The following PRMT7 variants were observed in gnomAD, a reference collection of about 807,000 sequenced individuals.
PRMT7 encodes protein arginine methyltransferase 7.
Under a neutral mutation model 85.4 loss-of-function variants are expected in PRMT7, and 75 were observed. The ratio of observed to expected loss-of-function variants is 0.88; its 90% CI spans 0.73 to 1.06. The LOEUF is 1.06. Ranked by LOEUF, PRMT7 falls within the 50% of genes least tolerant of loss-of-function variation. PRMT7 has a pLI of 0.00. For missense variants in PRMT7, 868 were observed against 915.2 expected (o/e 0.95, Z 0.67); for synonymous variants, 397 against 359.5 (o/e 1.10, Z -1.18).
In PRMT7 at chr16:68,358,546, GA is replaced by G. The variant is rs963985012; in HGVS notation, c.*1329del. ...TAATGTCCCATGAAGATACAATACA[GA>G]AAAAAATACAGAAATTAAAAAAGTT... is the stretch of plus-strand genomic sequence containing the variant. On this transcript the variant is annotated 3_prime_UTR_variant, in exon 19 of 19. Transcript: ENST00000441236. The G allele has an allele frequency of 6.6e-6, 1 of 152,420 alleles. No homozygotes were observed. The highest frequency in any genetic ancestry group is 6.5e-5 in the Admixed American group (1 of 15,268). The allele number at this position is 152,420 out of a possible 1,614,324, so 9.4% of individuals were successfully genotyped here.
chr16:68,315,893 A>G lies in PRMT7; in HGVS notation c.-83-4A>G. The G allele has an allele frequency of 1.8e-6, 2 of 1,085,752 alleles. No individual in the cohort carries two copies. The highest frequency in any genetic ancestry group is 1.3e-5 in the South Asian group (1 of 76,520). 67.3% of individuals were successfully genotyped at this position (1,085,752 alleles called of 1,614,324 possible). ...TACCTCCTGTTTCCTTCTGATGTTA[A>G]TAGATTTCTGACAGTCAGACTTGTC... On this transcript the variant is annotated splice_polypyrimidine_tract_variant and splice_region_variant and intron_variant, in intron 2 of 18. Coordinates refer to ENST00000441236, the MANE Select transcript of PRMT7 (RefSeq NM_019023.5).
chr16:68,326,994 A>G (rs1426575419), intron 5 of PRMT7, among the ~76,000 whole-genome samples: 1 of 152,220 alleles, frequency 6.6e-6, no homozygotes, highest in Non-Finnish European at 1.5e-5. Flanking sequence ...CCCTCAAACC[A>G]CATCTAAAAA....
intron 3 of PRMT7, among the ~76,000 whole-genome samples, chr16:68,317,968 T>C (rs2082070301): frequency 1.3e-5 from 2 of 152,166 alleles, no homozygotes; most frequent in African/African-American, 4.8e-5. Flanking sequence ...CGGGGTCATT[T>C]TGTAAAGGGT....
Position 68,357,206 on chromosome 16 carries a change from T to C in PRMT7, c.2061T>C (p.His687=), listed in dbSNP as rs1219631329. The C allele has an allele frequency of 1.2e-6, 2 of 1,613,220 alleles. No individual in the cohort carries two copies. Among genetic ancestry groups the C allele is most frequent in the East Asian group, 2.2e-5 (1 of 44,884 alleles). The stretch of plus-strand genomic sequence containing the variant: ...GCGACATCATCATGGAGTTCAGGCA[T>C]GCAGATACCCCAGACTGACCACTCT... ...DTGDIIMEFR[H]ADTPD Residue 687 remains histidine (H), a synonymous_variant, in exon 19 of 19, where the codon CAT becomes CAC. Coordinates refer to ENST00000441236, the MANE Select transcript of PRMT7 (RefSeq NM_019023.5).
intron 2 of PRMT7, among the ~76,000 whole-genome samples, chr16:68,313,555 C>T (rs1237135663): frequency 6.6e-6 from 1 of 152,228 alleles, no homozygotes; most frequent in Non-Finnish European, 1.5e-5. Context: ...CCTCCTGCCT[C>T]AGCTGAATCC....
intron 15 of PRMT7, 130 bp from the exon 16 acceptor site, chr16:68,353,362 C>T (rs1567742166): frequency 6.6e-7 from 1 of 1,519,724 alleles, no homozygotes; most frequent in Non-Finnish European, 8.7e-7. Context: ...TTTGTTCTCT[C>T]TGAGCCCCTT....
At position 68,355,849 on chromosome 16, in the gene PRMT7, C is replaced by A. The variant is rs775071540; in HGVS notation, c.1777C>A (p.Pro593Thr). 4 of 1,607,624 alleles carry A rather than the reference C, an allele frequency of 2.5e-6. No individual in the cohort carries two copies. The highest frequency in any genetic ancestry group is 3.3e-4 in the Middle Eastern group (2 of 6,034). Residue 593 changes from proline (P) to threonine (T), a missense_variant, in exon 17 of 19, where the codon CCC becomes ACC. Physicochemically the swap from Pro to Thr is conservative, Grantham distance 38. Transcript: ENST00000441236. Reference protein sequence around the residue: ...FDFQQPVPLQPLCAEGTVELR... With the variant: ...FDFQQPVPLQTLCAEGTVELR... ...CTTCCAGCAGCCGGTGCCCCTGCAG[C>A]CCCTGTGTGCCGAGGGCACCGTGGA...
chr16:68,325,924 G>A (rs761580273), intron 5 of PRMT7, among the ~76,000 whole-genome samples: 5 of 152,126 alleles, frequency 3.3e-5, no homozygotes, highest in Non-Finnish European at 7.4e-5. Context: ...TACCTTAAAT[G>A]TCCCTATGGA....
At chr16:68,348,300 A>C in intron 13 of PRMT7, 42 bp from the exon 14 acceptor site, 1 of 1,461,158 alleles carries the variant, frequency 6.8e-7, no homozygotes, top group East Asian at 2.3e-5. Flanking sequence ...CAAACACAAT[A>C]CTTTAGTATG....
intron 3 of PRMT7, among the ~76,000 whole-genome samples, chr16:68,317,173 G>GGTT (rs1235854440): frequency 2.0e-5 from 3 of 147,406 alleles, no homozygotes; most frequent in African/African-American, 5.0e-5. Context: ...GGGAGGTGGA[G>GGTT]GTTGCAGTGA....
Position 68,357,404 on chromosome 16 carries a change from G to A in PRMT7, c.*180G>A. 1.5e-6 allele frequency: 1 copy of A among 658,756 alleles called. No homozygotes were observed. Among genetic ancestry groups the A allele is most frequent in the Non-Finnish European group, 2.4e-6 (1 of 408,224 alleles). The allele number at this position is 658,756 out of a possible 1,614,324, so 40.8% of individuals were successfully genotyped here. A position where few individuals can be genotyped will look rare whatever the true frequency, so the allele number is the denominator to read the frequency against. On this transcript the variant is annotated 3_prime_UTR_variant, in exon 19 of 19. Coordinates refer to ENST00000441236, the MANE Select transcript of PRMT7 (RefSeq NM_019023.5). ...GCACTGCTGGCCTCTGGCTCCAGCT[G>A]TGGCAGGAAGCATGAGAGGGTGACT...
At chr16:68,358,967 T>TA, downstream of PRMT7, 1 of 152,678 alleles carries the variant, frequency 6.5e-6, no homozygotes, top group East Asian at 1.9e-4. Context: ...GGGCCGCACA[T>TA]CCTTACTCTG....
At position 68,346,351 on chromosome 16, in the gene PRMT7, T is replaced by G. The variant is rs370727717; in HGVS notation, c.1191+71T>G. ...AAGTTTGTCCCATGAACCCCAGCACTTTGCTTATGATTTGCTGTTTCTTTC... is the reference window on the plus strand; with the variant it reads ...AAGTTTGTCCCATGAACCCCAGCACGTTGCTTATGATTTGCTGTTTCTTTC... On this transcript the variant is annotated intron_variant, in intron 11 of 18. Transcript: ENST00000441236. The G allele has an allele frequency of 1.0e-5, 16 of 1,596,916 alleles. 1 individual carries two copies. The highest frequency in any genetic ancestry group is 5.4e-5 in the African/African-American group (4 of 74,612).
intron 11 of PRMT7, 88 bp downstream of exon 11, chr16:68,346,368 GTTTC>G: frequency 6.3e-7 from 1 of 1,579,490 alleles, no homozygotes; most frequent in South Asian, 1.1e-5. Context: ...ATGATTTGCT[GTTTC>G]TTTCCTGTGT....
Position 68,358,102 on chromosome 16 carries a change from C to T in PRMT7, c.*878C>T, listed in dbSNP as rs1029413801. The T allele has an allele frequency of 5.3e-5, 8 of 152,288 alleles. No homozygotes were observed. Among genetic ancestry groups the T allele is most frequent in the African/African-American group, 1.4e-4 (6 of 41,460 alleles). 9.4% of individuals were successfully genotyped at this position (152,288 alleles called of 1,614,324 possible). On this transcript the variant is annotated 3_prime_UTR_variant, in exon 19 of 19. Coordinates refer to ENST00000441236, the MANE Select transcript of PRMT7 (RefSeq NM_019023.5). ...AGCTCTCAGAGGTAACAGCAGACAC[C>T]ACGTGAGAGAACCCAGTGGCCTCTG...
In PRMT7 at chr16:68,347,247, G is replaced by A. The variant is rs750193958; in HGVS notation, c.1228G>A (p.Asp410Asn). Residue 410 changes from aspartate (D) to asparagine (N), a missense_variant, in exon 12 of 19, where the codon GAT becomes AAT. Coordinates refer to ENST00000441236, the MANE Select transcript of PRMT7 (RefSeq NM_019023.5). ...KPDSVCLCVS[D>N]GSLLSVLAHH... ...AGACAGCGTGTGCCTGTGTGTCAGC[G>A]ATGGCAGCCTGCTCTCCGTGCTGGC... The A allele has an allele frequency of 5.8e-6, 9 of 1,553,678 alleles. No individual in the cohort carries two copies. Among genetic ancestry groups the A allele is most frequent in the South Asian group, 4.8e-5 (4 of 84,026 alleles).
chr16:68,319,868 G>T (rs1452021344), intron 3 of PRMT7, among the ~76,000 whole-genome samples: 4 of 152,174 alleles, frequency 2.6e-5, no homozygotes, highest in African/African-American at 9.7e-5. Flanking sequence ...GGCAGGGCCT[G>T]CCTAGTTCTG....
intron 6 of PRMT7, among the ~76,000 whole-genome samples, chr16:68,330,482 A>G (rs143854961): frequency 6.6e-6 from 1 of 152,266 alleles, no homozygotes; most frequent in Non-Finnish European, 1.5e-5. Context: ...GTTTTGGAGA[A>G]TGCAGTATCA....
chr16:68,347,589 T>G, intron 12 of PRMT7, 42 bp from the exon 13 acceptor site: 1 of 1,585,594 alleles, frequency 6.3e-7, no homozygotes, highest in Non-Finnish European at 8.7e-7. Context: ...TCTTCTCTGT[T>G]AAGTGAATAT....
Sources: gnomAD v4.1 joint callset for allele counts (sites outside exome capture counted in the v4.1 genomes callset) on GRCh38, gnomAD v4.1.1 for gene constraint, MANE v1.5 for transcripts, NCBI Gene and HGNC (gene_info 2026-07-23, HGNC 2026-07-21) for gene names.